Variants in NAV2 observed in about 807,000 individuals in gnomAD.
The protein encoded by NAV2 is helicase, APC down-regulated 1.
In NAV2, 54 loss-of-function variants were observed where a neutral mutation model predicts 223.2. That is an observed-to-expected ratio of 0.24 (90% CI 0.19 to 0.30). The LOEUF (loss-of-function observed/expected upper bound fraction) is 0.30. Ranked by LOEUF, NAV2 falls within the 10% of genes least tolerant of loss-of-function variation. The probability of loss-of-function intolerance (pLI) is 1.00; values close to 1 mark genes in which losing one functional copy is unlikely to be tolerated. For synonymous variants in NAV2, 1,279 were observed against 1,239.3 expected, an observed-to-expected ratio of 1.03 and a Z score of -0.67; for missense variants, 2,806 against 3,147.5, an observed-to-expected ratio of 0.89 and a Z score of 2.60.
chr11:19,939,589 T>TC, intron 7 of NAV2, 72 bp from the exon 8 acceptor site: 1 of 1,199,456 alleles, frequency 8.3e-7, no homozygotes, highest in Non-Finnish European at 1.2e-6. Context: ...AGGGCTGTGG[T>TC]TAGACCACAG....
intron 20 of NAV2, among the ~76,000 whole-genome samples, chr11:20,065,126 G>A (rs185947031): frequency 5.3e-5 from 8 of 152,302 alleles, no homozygotes; most frequent in East Asian, 3.9e-4. Context: ...CTCTGCTACC[G>A]CCTAGCACTG....
intron 35 of NAV2, 37 bp downstream of exon 35, chr11:20,105,764 A>G (rs112982200): frequency 0.019 from 30,262 of 1,554,900 alleles, 391 homozygotes; most frequent in Middle Eastern, 0.055. Flanking sequence ...GCGGGCTGGC[A>G]TCCTCAGGTG....
At chr11:19,873,482 C>T (rs2153064794) in intron 4 of NAV2, among the ~76,000 whole-genome samples, 1 of 152,182 alleles carries the variant, frequency 6.6e-6, no homozygotes, top group Non-Finnish European at 1.5e-5. Context: ...ACCTTGCAGA[C>T]ATTGGATAAA....
intron 1 of NAV2, among the ~76,000 whole-genome samples, chr11:19,791,670 G>A (rs949960551): frequency 3.9e-5 from 6 of 152,270 alleles, no homozygotes; most frequent in Non-Finnish European, 5.9e-5. Context: ...GGGGCAAGCC[G>A]AGTGTTTGGG....
intron 26 of NAV2, among the ~76,000 whole-genome samples, chr11:20,087,554 C>T (rs1475395018): frequency 6.6e-6 from 1 of 152,204 alleles, no homozygotes; most frequent in East Asian, 1.9e-4. Flanking sequence ...CGTTTTCCCA[C>T]ACTCGAGGCA....
rs150647380 is a variant in NAV2, at chr11:20,010,377, A to G, written c.2769-25582A>G. On this transcript the variant is annotated intron_variant, in intron 11 of 37. Coordinates refer to ENST00000349880, the MANE Select transcript of NAV2 (RefSeq NM_145117.5). ...ACTGCAAAGGAGAACACTTAGGTCAATTGGCTTAAATGGCACTGCGTCTGC... is the reference window on the plus strand; with the variant it reads ...ACTGCAAAGGAGAACACTTAGGTCAGTTGGCTTAAATGGCACTGCGTCTGC... Among the ~76,000 whole-genome samples the G allele has an allele frequency of 4.8e-3, 734 of 152,290 alleles. 3 individuals carry two copies. The highest frequency in any genetic ancestry group is 0.017 in the African/African-American group (709 of 41,544).
intron 1 of NAV2, among the ~76,000 whole-genome samples, chr11:19,753,399 T>C (rs2053993237): frequency 6.6e-6 from 1 of 152,184 alleles, no homozygotes; most frequent in Non-Finnish European, 1.5e-5. Flanking sequence ...TATATTTTGA[T>C]ATCTCTGAAA....
intron 3 of NAV2, 136 bp downstream of exon 3, chr11:19,843,059 C>G: frequency 1.4e-6 from 1 of 697,256 alleles, no homozygotes. Context: ...CAGCTATTTC[C>G]AAGTAGCTGT....
intron 1 of NAV2, among the ~76,000 whole-genome samples, chr11:19,640,935 C>T (rs763214866): frequency 4.6e-5 from 7 of 152,204 alleles, no homozygotes; most frequent in African/African-American, 9.7e-5. Flanking sequence ...ACACCATTAG[C>T]GCTATACTTC....
At chr11:20,065,445 G>A (rs911923129) in intron 20 of NAV2, among the ~76,000 whole-genome samples, 2 of 152,202 alleles carry the variant, frequency 1.3e-5, no homozygotes. Flanking sequence ...CTAAATGATT[G>A]CCATGGAAAA....
chr11:19,849,677 G>A (rs1217147453), intron 3 of NAV2, among the ~76,000 whole-genome samples: 2 of 152,306 alleles, frequency 1.3e-5, no homozygotes, highest in East Asian at 3.9e-4. Context: ...TCTTCCCTGG[G>A]CCCTGGGCCT....
In NAV2 at chr11:20,107,660, C is replaced by T. The variant is rs759560335; in HGVS notation, c.6842-4C>T. The T allele has an allele frequency of 1.1e-5, 17 of 1,612,768 alleles. No homozygotes were observed. Among genetic ancestry groups the T allele is most frequent in the Non-Finnish European group, 1.4e-5 (16 of 1,178,892 alleles). ...TGCTAATGTATTTTCACTGTGGTCT[C>T]CAGGCCCCCGGCTCTTCCTGTCATG... On this transcript the variant is annotated splice_region_variant and splice_polypyrimidine_tract_variant and intron_variant, in intron 35 of 37. Transcript: ENST00000349880.
At position 19,949,151 on chromosome 11, in the gene NAV2, C is replaced by T. The variant is rs956698465; in HGVS notation, c.2645+71C>T. On this transcript the variant is annotated intron_variant, in intron 10 of 37. Coordinates refer to ENST00000349880, the MANE Select transcript of NAV2 (RefSeq NM_145117.5). ...GGCACCTGGCTTCTCTTTTGTAGGG[C>T]TCTATTTGATTCTTCTGGAGGAGGT... 8.8e-6 allele frequency: 13 copies of T among 1,478,900 alleles called. No individual in the cohort carries two copies. In the African/African-American group the frequency reaches 1.9e-4, roughly 21 times the overall value. 91.6% of individuals were successfully genotyped at this position (1,478,900 alleles called of 1,614,324 possible).
chr11:19,994,186 C>A (rs989504998), intron 11 of NAV2, among the ~76,000 whole-genome samples: 3 of 152,202 alleles, frequency 2.0e-5, no homozygotes, highest in Admixed American at 2.0e-4. Context: ...GTCCAATAGT[C>A]CTGCTTATCT....
intron 2 of NAV2, 28 bp downstream of exon 2, chr11:19,832,629 A>G (rs1377234829): frequency 1.3e-6 from 2 of 1,588,012 alleles, no homozygotes; most frequent in East Asian, 2.2e-5. Context: ...CTTGGGGGTA[A>G]TGAGTTACAG....
intron 11 of NAV2, among the ~76,000 whole-genome samples, chr11:20,011,303 A>G (rs2053546280): frequency 6.6e-6 from 1 of 152,214 alleles, no homozygotes; most frequent in Non-Finnish European, 1.5e-5. Context: ...AATATTGAAA[A>G]TGCAGATAAG....
intron 10 of NAV2, among the ~76,000 whole-genome samples, chr11:19,967,023 G>A (rs4429037): frequency 0.74 from 112,411 of 152,074 alleles, 42,319 homozygotes; most frequent in African/African-American, 0.85. Context: ...TGTGGCAGGT[G>A]CTTTTCAGGC....
intron 1 of NAV2, among the ~76,000 whole-genome samples, chr11:19,525,473 G>A (rs2043812705): frequency 6.6e-6 from 1 of 152,188 alleles, no homozygotes; most frequent in Admixed American, 6.5e-5. Flanking sequence ...GAGGACTGCG[G>A]TCTGTCGTTA....
chr11:19,450,098 A>G (rs1212762672), intron 1 of NAV2, among the ~76,000 whole-genome samples: 2 of 152,236 alleles, frequency 1.3e-5, no homozygotes, highest in African/African-American at 4.8e-5. Flanking sequence ...TTCTGGGACA[A>G]CAGTGACAGC....
Sources: gnomAD v4.1 joint callset for allele counts (sites outside exome capture counted in the v4.1 genomes callset) on GRCh38, gnomAD v4.1.1 for gene constraint, MANE v1.5 for transcripts, NCBI Gene and HGNC (gene_info 2026-07-23, HGNC 2026-07-21) for gene names.